The following PCDHA4 variants were observed in gnomAD, a reference collection of about 807,000 sequenced individuals.
The protein encoded by PCDHA4 is protocadherin alpha-4.
A neutral mutation model predicts 61.4 loss-of-function variants in PCDHA4; 49 were observed. The observed-to-expected ratio is 0.80, with a 90% CI of 0.63 to 1.01. The LOEUF is 1.01. Ranked by LOEUF, PCDHA4 falls within the 50% of genes least tolerant of loss-of-function variation. PCDHA4 has a pLI of 0.00. For missense variants in PCDHA4, 1,254 were observed against 1,235.8 expected (o/e 1.01, Z -0.22); for synonymous variants, 590 against 550.3 (o/e 1.07, Z -1.01).
At chr5:140,819,262 A>G (rs188497133) in intron 1 of PCDHA4, among the ~76,000 whole-genome samples, 19 of 152,252 alleles carry the variant, frequency 1.2e-4, no homozygotes, top group Admixed American at 1.0e-3. Flanking sequence ...TATCTATATA[A>G]TTTCTATAGA....
intron 1 of PCDHA4, chr5:140,871,535 G>GTTTC: frequency 6.6e-7 from 1 of 1,514,054 alleles, no homozygotes; most frequent in Non-Finnish European, 8.9e-7. Flanking sequence ...AAGTGTATGT[G>GTTTC]AAATTATTTA....
intron 1 of PCDHA4, chr5:140,835,406 G>T: frequency 6.2e-7 from 1 of 1,613,974 alleles, no homozygotes; most frequent in Non-Finnish European, 8.5e-7. Context: ...TGGAAGTTGT[G>T]GATGTAAATG....
intron 1 of PCDHA4, among the ~76,000 whole-genome samples, chr5:140,953,778 A>T (rs782648195): frequency 2.0e-5 from 3 of 151,986 alleles, no homozygotes; most frequent in Non-Finnish European, 2.9e-5. Context: ...ATATTTATTT[A>T]TTTTTTTCTT....
At chr5:140,822,749 G>T (rs1425005948) in intron 1 of PCDHA4, 3 of 1,613,758 alleles carry the variant, frequency 1.9e-6, no homozygotes, top group Non-Finnish European at 1.7e-6. Flanking sequence ...ATGGATAAAA[G>T]TACATTCCCA....
At chr5:141,008,126 G>A (rs2098361949) in intron 3 of PCDHA4, among the ~76,000 whole-genome samples, 1 of 152,178 alleles carries the variant, frequency 6.6e-6, no homozygotes, top group African/African-American at 2.4e-5. Context: ...TCAAGAAGGG[G>A]ATGACAAATG....
intron 1 of PCDHA4, among the ~76,000 whole-genome samples, chr5:140,921,914 TA>T (rs2080487852): frequency 6.6e-6 from 1 of 152,014 alleles, no homozygotes; most frequent in Admixed American, 6.6e-5. Context: ...TATTACATGA[TA>T]AAACTTATAG....
chr5:140,941,211 CTTCCTTTCTTTCTTTCTTT>C (rs1563185577), intron 1 of PCDHA4, among the ~76,000 whole-genome samples: 1,494 of 129,708 alleles, frequency 0.012, 26 homozygotes, highest in African/African-American at 0.041. Flanking sequence ...TCCTTTCTTT[CTTCCTTTCTTTCTTTCTTT>C]CTTTCTTTCT....
At chr5:140,999,476 A>G (rs1209910607) in intron 3 of PCDHA4, among the ~76,000 whole-genome samples, 6 of 152,124 alleles carry the variant, frequency 3.9e-5, no homozygotes, top group African/African-American at 1.2e-4. Flanking sequence ...GCAGATTCCA[A>G]CTCAAGTCTA....
At chr5:140,968,094 A>T in intron 1 of PCDHA4, 1 of 1,614,138 alleles carries the variant, frequency 6.2e-7, no homozygotes, top group Non-Finnish European at 8.5e-7. Flanking sequence ...ACAGCCACAG[A>T]TGGGGGAATA....
rs1554262487 is a variant in PCDHA4, at chr5:141,009,847, G to T, written c.2754G>T (p.Glu918Asp). ...TCATAACCTTCGGCAAAAAGGAGGA[G>T]ACCAAGAAAAAGAAGAAAAAGAAGA... ...SDFITFGKKE[E>D]TKKKKKKKKG... Residue 918 changes from glutamate (E) to aspartate (D), a missense_variant, in exon 4 of 4, where the codon GAG (glutamate) becomes GAT (aspartate). Glu to Asp is a conservative substitution (Grantham distance 45). Coordinates refer to ENST00000530339, the MANE Select transcript of PCDHA4 (RefSeq NM_018907.4). 1 of 1,613,870 alleles carries T rather than the reference G, an allele frequency of 6.2e-7. No homozygotes were observed. Among genetic ancestry groups the T allele is most frequent in the Non-Finnish European group, 8.5e-7 (1 of 1,180,010 alleles).
intron 1 of PCDHA4, among the ~76,000 whole-genome samples, chr5:140,905,747 C>T (rs2072054792): frequency 2.0e-5 from 3 of 152,156 alleles, no homozygotes; most frequent in South Asian, 2.1e-4. Context: ...AGAGATCTTT[C>T]ACCTCCTTGG....
chr5:140,903,524 A>T (rs2070355065), intron 1 of PCDHA4, among the ~76,000 whole-genome samples: 1 of 152,156 alleles, frequency 6.6e-6, no homozygotes, highest in Non-Finnish European at 1.5e-5. Flanking sequence ...TGTGTTGTTC[A>T]CTTTAAACTA....
chr5:140,980,239 A>G (rs1453927657), intron 2 of PCDHA4, among the ~76,000 whole-genome samples: 1 of 152,230 alleles, frequency 6.6e-6, no homozygotes, highest in Non-Finnish European at 1.5e-5. Flanking sequence ...TGGTGGAGAC[A>G]TGCAATGGGT....
At chr5:140,992,999 C>G (rs1254110475) in intron 3 of PCDHA4, among the ~76,000 whole-genome samples, 4 of 152,188 alleles carry the variant, frequency 2.6e-5, no homozygotes, top group African/African-American at 9.7e-5. Flanking sequence ...CATGAAAGAG[C>G]CTCCCCAGAG....
chr5:140,835,420 A>G (rs2150235357), intron 1 of PCDHA4: 60 of 1,613,840 alleles, frequency 3.7e-5, no homozygotes, highest in Non-Finnish European at 4.5e-5. Context: ...GTAAATGACA[A>G]TGCTCCACAG....
intron 1 of PCDHA4, chr5:140,858,274 G>T: frequency 6.3e-7 from 1 of 1,597,416 alleles, no homozygotes; most frequent in Non-Finnish European, 8.6e-7. Flanking sequence ...GCTCTAGCGC[G>T]GTGGGGAGCT....
At chr5:140,850,468 C>T in intron 1 of PCDHA4, 1 of 1,597,912 alleles carries the variant, frequency 6.3e-7, no homozygotes, top group Non-Finnish European at 8.6e-7. Context: ...GGGGAGCCAG[C>T]GCTGACGGCC....
chr5:140,882,392 G>T (rs781850899), intron 1 of PCDHA4: 5 of 1,614,058 alleles, frequency 3.1e-6, no homozygotes, highest in Middle Eastern at 1.6e-4. Flanking sequence ...AGCAAAACAC[G>T]GCACCTTCGT....
chr5:140,906,665 AC>A (rs558667206), intron 1 of PCDHA4, among the ~76,000 whole-genome samples: 132 of 152,200 alleles, frequency 8.7e-4, no homozygotes, highest in African/African-American at 3.2e-3. Context: ...TGGTGTAGTG[AC>A]CCAAACCTTC....
Sources: allele counts gnomAD v4.1 joint callset (sites outside exome capture counted in the v4.1 genomes callset), GRCh38; gene constraint gnomAD v4.1.1; transcripts MANE v1.5; gene names NCBI Gene and HGNC (gene_info 2026-07-23, HGNC 2026-07-21).